The following JARID2 variants were observed in gnomAD, a reference collection of about 807,000 sequenced individuals.
The protein encoded by JARID2 is protein Jumonji.
JARID2 carries 21 observed loss-of-function variants against 125.6 expected under a neutral mutation model. The ratio of observed to expected loss-of-function variants is 0.17; its 90% CI spans 0.12 to 0.24. The LOEUF (loss-of-function observed/expected upper bound fraction) is 0.24, where lower values mean the gene tolerates loss of function less well. Ranked by LOEUF, JARID2 falls within the 10% of genes least tolerant of loss-of-function variation. JARID2 has a pLI of 1.00. For synonymous variants in JARID2, 736 were observed against 661.6 expected (o/e 1.11, Z -1.73); for missense variants, 1,303 against 1,639.6 (o/e 0.79, Z 3.55).
At chr6:15,381,772 G>A (rs949182391) in intron 2 of JARID2, among the ~76,000 whole-genome samples, 1 of 152,142 alleles carries the variant, frequency 6.6e-6, no homozygotes, top group African/African-American at 2.4e-5. Flanking sequence ...AGATCAAGTT[G>A]CTTACTTTGG....
intron 1 of JARID2, among the ~76,000 whole-genome samples, chr6:15,316,694 G>C (rs1762192064): frequency 6.6e-6 from 1 of 152,030 alleles, no homozygotes; most frequent in Admixed American, 6.6e-5. Context: ...GTAGAGACGG[G>C]GTTTCACCAT....
At chr6:15,425,575 G>A (rs1379741964) in intron 3 of JARID2, among the ~76,000 whole-genome samples, 1 of 152,046 alleles carries the variant, frequency 6.6e-6, no homozygotes, top group Non-Finnish European at 1.5e-5. Flanking sequence ...TCATGGGAGT[G>A]GATTCCTTAT....
In JARID2 at chr6:15,512,397, A is replaced by C; in HGVS notation, c.3135+7A>C. 1 of 1,612,218 alleles carries C rather than the reference A, an allele frequency of 6.2e-7. No homozygotes were observed. The highest frequency in any genetic ancestry group is 8.5e-7 in the Non-Finnish European group (1 of 1,178,294). ...GGGCTTTGAGACCGCCAAGGTGAGC[A>C]GAGCCGGCCTCCTCCCGCTTGCTGC... On this transcript the variant is annotated splice_region_variant and intron_variant, in intron 14 of 17. Transcript: ENST00000341776.
chr6:15,297,161 A>AT (rs1276007574), intron 1 of JARID2, among the ~76,000 whole-genome samples: 1 of 152,032 alleles, frequency 6.6e-6, no homozygotes, highest in Non-Finnish European at 1.5e-5. Context: ...TTAAATTATA[A>AT]TTTTTTTGAG....
rs115256786 is a variant in JARID2, at chr6:15,489,010, C to T, written c.906+1468C>T. ...CTGGGTCTGTGATTCTTCACTCCCCCGCTGTTCCCAATGCTGTTGGTCTGA... is the reference window on the plus strand; with the variant it reads ...CTGGGTCTGTGATTCTTCACTCCCCTGCTGTTCCCAATGCTGTTGGTCTGA... On this transcript the variant is annotated intron_variant, in intron 6 of 17. Transcript: ENST00000341776. Among the ~76,000 whole-genome samples the T allele has an allele frequency of 8.6e-3, 1,312 of 152,262 alleles. 15 individuals are homozygous for T. The highest frequency in any genetic ancestry group is 0.03 in the African/African-American group (1,262 of 41,536).
chr6:15,458,452 G>A (rs1052153459), intron 4 of JARID2, among the ~76,000 whole-genome samples: 4 of 152,186 alleles, frequency 2.6e-5, no homozygotes, highest in African/African-American at 9.6e-5. Flanking sequence ...ACTGTCAGCC[G>A]TTGTGAAGCA....
At chr6:15,492,733 C>T (rs529682428) in intron 6 of JARID2, among the ~76,000 whole-genome samples, 6 of 152,154 alleles carry the variant, frequency 3.9e-5, no homozygotes, top group African/African-American at 9.7e-5. Context: ...GCATAGAACA[C>T]GGACCCTCTG....
chr6:15,397,849 G>A (rs1199494785), intron 2 of JARID2, among the ~76,000 whole-genome samples: 2 of 152,166 alleles, frequency 1.3e-5, no homozygotes, highest in Non-Finnish European at 1.5e-5. Context: ...TTGCAGAGAG[G>A]AATTGCAACA....
chr6:15,494,026 G>A (rs1770283433), intron 6 of JARID2, among the ~76,000 whole-genome samples: 1 of 152,110 alleles, frequency 6.6e-6, no homozygotes, highest in African/African-American at 2.4e-5. Context: ...TGATTCCTGG[G>A]TCTTCGCTTC....
chr6:15,424,904 T>TA (rs1182585821), intron 3 of JARID2, among the ~76,000 whole-genome samples: 7 of 152,154 alleles, frequency 4.6e-5, no homozygotes, highest in Non-Finnish European at 7.3e-5. Flanking sequence ...AGCAAACACT[T>TA]ACATAGCATT....
chr6:15,494,067 T>C (rs1168498319), intron 6 of JARID2, among the ~76,000 whole-genome samples: 2 of 152,220 alleles, frequency 1.3e-5, no homozygotes, highest in African/African-American at 4.8e-5. Flanking sequence ...GATCTGGCTC[T>C]AGGAATGAGG....
chr6:15,455,616 C>G (rs979370764), intron 4 of JARID2, among the ~76,000 whole-genome samples: 8 of 152,220 alleles, frequency 5.3e-5, no homozygotes, highest in African/African-American at 1.9e-4. Flanking sequence ...ACTGCAACCT[C>G]TGCATCCTGA....
chr6:15,281,924 C>CTGTGTGTG lies in JARID2; in HGVS notation c.45+35374_45+35381dup, dbSNP rs3138771. Among the ~76,000 whole-genome samples the CTGTGTGTG allele has an allele frequency of 5.8e-3, 844 of 146,230 alleles. 3 individuals are homozygous for CTGTGTGTG. Among genetic ancestry groups the CTGTGTGTG allele is most frequent in the African/African-American group, 0.015 (574 of 39,488 alleles). On this transcript the variant is annotated intron_variant, in intron 1 of 17. Transcript: ENST00000341776. ...AAGTGCAGGGTCCAGGGTATGTGCTCTGTGTGTGTGTGTGTGTGTGTGTGT... is the reference window on the plus strand; with the variant it reads ...AAGTGCAGGGTCCAGGGTATGTGCTCTGTGTGTGTGTGTGTGTGTGTGTGTGTGTGTGT...
At chr6:15,294,970 A>G (rs6935676) in intron 1 of JARID2, among the ~76,000 whole-genome samples, 12,661 of 152,154 alleles carry the variant, frequency 0.083, 587 homozygotes, top group East Asian at 0.19. Context: ...AATTTCTTGA[A>G]AAAGGAAACC....
chr6:15,406,932 C>A (rs1171186682), intron 2 of JARID2, among the ~76,000 whole-genome samples: 1 of 151,936 alleles, frequency 6.6e-6, no homozygotes, highest in Non-Finnish European at 1.5e-5. Context: ...ATTTTGCAGG[C>A]AAGTGTCTTT....
Position 15,341,004 on chromosome 6 carries a change from G to A in JARID2, c.46-33113G>A, listed in dbSNP as rs141133591. 2.2e-4 allele frequency among the ~76,000 whole-genome samples: 33 copies of A among 152,272 alleles called. 1 individual carries two copies. Among genetic ancestry groups the A allele is most frequent in the African/African-American group, 7.9e-4 (33 of 41,544 alleles). ...AATACACTTTCTATATCCAAGGACA[G>A]TTATCTCTTTTAAAAAGAAGTGAAA... On this transcript the variant is annotated intron_variant, in intron 1 of 17. Coordinates refer to ENST00000341776, the MANE Select transcript of JARID2 (RefSeq NM_004973.4).
intron 2 of JARID2, among the ~76,000 whole-genome samples, chr6:15,405,767 A>C (rs1004724217): frequency 6.6e-6 from 1 of 152,230 alleles, no homozygotes; most frequent in Non-Finnish European, 1.5e-5. Context: ...AATAATTTTA[A>C]CAATTGGTGG....
intron 3 of JARID2, among the ~76,000 whole-genome samples, chr6:15,412,366 T>G (rs1402964368): frequency 6.6e-6 from 1 of 152,098 alleles, no homozygotes; most frequent in Non-Finnish European, 1.5e-5. Flanking sequence ...TGGAGTGTGG[T>G]GGTGCAATCT....
At position 15,337,323 on chromosome 6, in the gene JARID2, A is replaced by G. The variant is rs549785539; in HGVS notation, c.46-36794A>G. Reference sequence around the variant, plus strand: ...CATTAGGCTCAGCTGCCAAAGATGCACATCAGACCAGATGTTCCTAGAGGT... The same window carrying G: ...CATTAGGCTCAGCTGCCAAAGATGCGCATCAGACCAGATGTTCCTAGAGGT... On this transcript the variant is annotated intron_variant, in intron 1 of 17. Coordinates refer to ENST00000341776, the MANE Select transcript of JARID2 (RefSeq NM_004973.4). Among the ~76,000 whole-genome samples, 184 of 152,386 alleles carry G rather than the reference A, an allele frequency of 1.2e-3. No individual in the cohort carries two copies. The Middle Eastern group carries it at 0.02, about 17-fold the overall frequency.
Sources: gnomAD v4.1 joint callset for allele counts (sites outside exome capture counted in the v4.1 genomes callset) on GRCh38, gnomAD v4.1.1 for gene constraint, MANE v1.5 for transcripts, NCBI Gene and HGNC (gene_info 2026-07-23, HGNC 2026-07-21) for gene names.